CSMD1: variants seen among roughly 807,000 people sequenced by gnomAD.
CSMD1 encodes CUB and Sushi multiple domains 1, also known as CUB and sushi domain-containing protein 1.
CSMD1 carries 213 observed loss-of-function variants against 417.5 expected under a neutral mutation model. That is an observed-to-expected ratio of 0.51 (90% confidence interval 0.46 to 0.57). CSMD1 has a LOEUF of 0.57. CSMD1 is among the 20% of genes least tolerant of loss of function. The pLI is 0.00. For synonymous variants in CSMD1, 2,862 were observed against 1,736.8 expected (o/e 1.65, Z -16.11); for missense variants, 6,923 against 4,529.7 (o/e 1.53, Z -15.17).
chr8:3,966,801 C>A (rs1812708396), intron 5 of CSMD1, among the ~76,000 whole-genome samples: 1 of 151,964 alleles, frequency 6.6e-6, no homozygotes, highest in Non-Finnish European at 1.5e-5. Context: ...GATTAAATCC[C>A]AAGAAATAAT....
At chr8:3,217,246 C>G (rs369698731) in intron 29 of CSMD1, among the ~76,000 whole-genome samples, 18 of 152,380 alleles carry the variant, frequency 1.2e-4, no homozygotes, top group East Asian at 5.8e-4. Flanking sequence ...CATTCCTATT[C>G]TCTTTCCTGT....
In CSMD1 at chr8:3,493,719, T is replaced by G. The variant is rs780144242; in HGVS notation, c.1352A>C (p.Lys451Thr). ...ITTTDPDKVI[K>T]LAFEEFELER... ...CAGCTCAAACTCTTCAAAGGCAAGC[T>G]TGATGACCTAAATACAAGGTACGAA... Residue 451 changes from lysine to threonine, a missense_variant, in exon 11 of 70, where the codon AAG becomes ACG. By Grantham distance (78) the Lys-to-Thr change is moderately conservative. Coordinates refer to ENST00000635120, the MANE Select transcript of CSMD1 (RefSeq NM_033225.6). 8 of 1,609,674 alleles carry G rather than the reference T, an allele frequency of 5.0e-6. No individual in the cohort carries two copies. In the African/African-American group the frequency reaches 6.7e-5, roughly 13 times the overall value.
intron 3 of CSMD1, among the ~76,000 whole-genome samples, chr8:4,410,379 T>A (rs551274972): frequency 2.6e-5 from 4 of 152,334 alleles, no homozygotes; most frequent in African/African-American, 7.2e-5. Context: ...TCAGAATTCA[T>A]GTGCTTATCC....
At chr8:4,589,852 A>G (rs1799896720) in intron 2 of CSMD1, among the ~76,000 whole-genome samples, 1 of 152,194 alleles carries the variant, frequency 6.6e-6, no homozygotes, top group Non-Finnish European at 1.5e-5. Flanking sequence ...GCGTATTAAT[A>G]ATTTTCAGAA....
chr8:4,131,826 G>T (rs538483812), intron 3 of CSMD1, among the ~76,000 whole-genome samples: 1 of 137,680 alleles, frequency 7.3e-6, no homozygotes, highest in Non-Finnish European at 1.5e-5. Flanking sequence ...GCAGTGGTGC[G>T]ATCCCGGCTC....
intron 12 of CSMD1, among the ~76,000 whole-genome samples, chr8:3,459,295 G>A (rs1816349340): frequency 6.6e-6 from 1 of 152,160 alleles, no homozygotes; most frequent in South Asian, 2.1e-4. Flanking sequence ...GGAGAGACAG[G>A]CCGGTGTGTC....
intron 3 of CSMD1, among the ~76,000 whole-genome samples, chr8:4,073,708 A>T (rs1339205863): frequency 6.6e-6 from 1 of 152,118 alleles, no homozygotes; most frequent in Non-Finnish European, 1.5e-5. Context: ...CCAACATGCA[A>T]ATATTGACTT....
At chr8:4,855,236 A>C (rs1436951199) in intron 1 of CSMD1, among the ~76,000 whole-genome samples, 1 of 150,538 alleles carries the variant, frequency 6.6e-6, no homozygotes, top group African/African-American at 2.4e-5. Context: ...ACAAACAGAA[A>C]GGATATCCAC....
intron 7 of CSMD1, among the ~76,000 whole-genome samples, chr8:3,618,513 T>A (rs1278269171): frequency 1.3e-5 from 2 of 152,238 alleles, no homozygotes; most frequent in African/African-American, 4.8e-5. Context: ...CTGCATGATG[T>A]GACAATTATA....
At chr8:4,639,219 G>C (rs528911082) in intron 1 of CSMD1, among the ~76,000 whole-genome samples, 11 of 149,568 alleles carry the variant, frequency 7.4e-5, no homozygotes, top group African/African-American at 2.7e-4. Context: ...CAAGCTCTCC[G>C]TGCCATGCTA....
intron 5 of CSMD1, among the ~76,000 whole-genome samples, chr8:3,897,341 A>C (rs912930081): frequency 2.6e-5 from 4 of 152,194 alleles, no homozygotes; most frequent in African/African-American, 7.2e-5. Flanking sequence ...TTTCTCTTAT[A>C]AGCAGTGTGC....
chr8:4,546,900 C>T (rs1797663230), intron 2 of CSMD1, among the ~76,000 whole-genome samples: 1 of 151,962 alleles, frequency 6.6e-6, no homozygotes, highest in African/African-American at 2.4e-5. Context: ...CTCTGGAGAT[C>T]CCTAACACAC....
At chr8:3,729,089 C>G (rs1321690932) in intron 6 of CSMD1, among the ~76,000 whole-genome samples, 1 of 152,174 alleles carries the variant, frequency 6.6e-6, no homozygotes, top group Non-Finnish European at 1.5e-5. Flanking sequence ...AACATGTCAG[C>G]CAGGGAAGTA....
intron 2 of CSMD1, among the ~76,000 whole-genome samples, chr8:4,559,644 T>C (rs1798241584): frequency 6.6e-6 from 1 of 152,230 alleles, no homozygotes; most frequent in Admixed American, 6.5e-5. Flanking sequence ...AATAAAATTA[T>C]TAATAATTCA....
At chr8:4,821,557 T>C (rs1397563601) in intron 1 of CSMD1, among the ~76,000 whole-genome samples, 1 of 152,170 alleles carries the variant, frequency 6.6e-6, no homozygotes, top group Non-Finnish European at 1.5e-5. Flanking sequence ...TAAAGCATCA[T>C]TGAAATCCCC....
Position 3,409,618 on chromosome 8 carries a change from A to T in CSMD1, c.1562-13T>A. 6.4e-7 allele frequency: 1 copy of T among 1,563,634 alleles called. No individual in the cohort carries two copies. The highest frequency in any genetic ancestry group is 2.3e-5 in the East Asian group (1 of 43,372). ...CCCTTTTCAATTTCTGAAAATGGAA[A>T]AACAAATGAACCCTTAAAAAAACAC... On this transcript the variant is annotated splice_polypyrimidine_tract_variant and intron_variant, in intron 12 of 69. Coordinates refer to ENST00000635120, the MANE Select transcript of CSMD1 (RefSeq NM_033225.6).
chr8:4,815,001 A>T (rs1048013270), intron 1 of CSMD1, among the ~76,000 whole-genome samples: 2 of 152,070 alleles, frequency 1.3e-5, no homozygotes, highest in African/African-American at 2.4e-5. Context: ...CCGTTTTTTA[A>T]ATTTATTAAT....
At chr8:4,303,177 T>C (rs368366229) in intron 3 of CSMD1, among the ~76,000 whole-genome samples, 1 of 152,128 alleles carries the variant, frequency 6.6e-6, no homozygotes, top group African/African-American at 2.4e-5. Context: ...AGGGCATGAA[T>C]ATTGTGGGCT....
At chr8:3,085,250 C>T (rs1229477895) in intron 49 of CSMD1, among the ~76,000 whole-genome samples, 1 of 152,018 alleles carries the variant, frequency 6.6e-6, no homozygotes, top group Admixed American at 6.6e-5. Context: ...TTTTTAAGAT[C>T]CCTCCAAGTT....
Sources: allele counts gnomAD v4.1 joint callset (sites outside exome capture counted in the v4.1 genomes callset), GRCh38; gene constraint gnomAD v4.1.1; transcripts MANE v1.5; gene names NCBI Gene and HGNC (gene_info 2026-07-23, HGNC 2026-07-21).